Variants in TAFA4 observed in about 807,000 individuals in gnomAD.
TAFA4 encodes chemokine-like protein TAFA-4.
Under a neutral mutation model 21.1 loss-of-function variants are expected in TAFA4, and 20 were observed. That is an observed-to-expected ratio of 0.95 (90% CI 0.67 to 1.38). The LOEUF is 1.38. Among genes scored for constraint, TAFA4 ranks in the 40% most tolerant of loss-of-function variants. TAFA4 has a pLI of 0.00. For synonymous variants in TAFA4, 71 were observed against 67.4 expected (o/e 1.05, Z -0.26); for missense variants, 211 against 180.9 (o/e 1.17, Z -0.95).
intron 3 of TAFA4, among the ~76,000 whole-genome samples, chr3:68,874,269 C>G (rs1251026996): frequency 2.6e-5 from 4 of 152,100 alleles, no homozygotes; most frequent in Non-Finnish European, 5.9e-5. Flanking sequence ...CACAATCAAT[C>G]CTTTGTAATG....
At chr3:68,756,552 G>GATAT (rs1426637889) in intron 3 of TAFA4, among the ~76,000 whole-genome samples, 2 of 152,106 alleles carry the variant, frequency 1.3e-5, no homozygotes, top group Non-Finnish European at 2.9e-5. Context: ...CAATAACCTC[G>GATAT]ATATTATTCT....
chr3:68,866,651 T>TAAAAA (rs59878536), intron 3 of TAFA4, among the ~76,000 whole-genome samples: 201 of 12,404 alleles, frequency 0.016, 13 homozygotes, highest in African/African-American at 0.052. Context: ...ATAGCAGTTC[T>TAAAAA]AAAAAAAAAA....
chr3:68,816,483 ATTG>A (rs1165090314), intron 3 of TAFA4, among the ~76,000 whole-genome samples: 1 of 152,024 alleles, frequency 6.6e-6, no homozygotes, highest in African/African-American at 2.4e-5. Context: ...TATAAATGGG[ATTG>A]TTTTCTTGAT....
chr3:68,844,282 T>C (rs1158273259), intron 3 of TAFA4, among the ~76,000 whole-genome samples: 1 of 152,190 alleles, frequency 6.6e-6, no homozygotes, highest in Non-Finnish European at 1.5e-5. Flanking sequence ...CCATTTCTTC[T>C]AGATTTTCTA....
chr3:68,916,012 C>G (rs2090001103), intron 1 of TAFA4: 1 of 152,196 alleles, frequency 6.6e-6, no homozygotes, highest in Admixed American at 6.5e-5. Context: ...TTTTGACAGA[C>G]AAGTTCAAAA....
At chr3:68,873,751 A>G (rs1304401930) in intron 3 of TAFA4, among the ~76,000 whole-genome samples, 1 of 152,178 alleles carries the variant, frequency 6.6e-6, no homozygotes, top group Non-Finnish European at 1.5e-5. Context: ...AATGCTTTCT[A>G]AACAACAAAT....
chr3:68,885,491 T>C (rs1034771623), intron 1 of TAFA4, among the ~76,000 whole-genome samples, 181 bp from the exon 2 acceptor site: 1 of 152,094 alleles, frequency 6.6e-6, no homozygotes, highest in African/African-American at 2.4e-5. Flanking sequence ...GGAAAAGATA[T>C]AGAATTCTAC....
intron 1 of TAFA4, among the ~76,000 whole-genome samples, chr3:68,898,787 A>T (rs897328856): frequency 5.3e-5 from 8 of 152,234 alleles, no homozygotes; most frequent in Admixed American, 5.2e-4. Context: ...ATCTCTGTTT[A>T]ACAGGAGAGA....
intron 1 of TAFA4, among the ~76,000 whole-genome samples, chr3:68,920,907 C>T (rs2090055064): frequency 6.6e-6 from 1 of 152,166 alleles, no homozygotes; most frequent in Non-Finnish European, 1.5e-5. Context: ...GATGCTTCTG[C>T]TGTTTAGTCT....
At chr3:68,911,988 A>C (rs1427926046) in intron 1 of TAFA4, among the ~76,000 whole-genome samples, 1 of 152,178 alleles carries the variant, frequency 6.6e-6, no homozygotes, top group Non-Finnish European at 1.5e-5. Flanking sequence ...TCAATGCTTC[A>C]TCCTCTGCAT....
chr3:68,779,007 C>A (rs1001971100), intron 3 of TAFA4, among the ~76,000 whole-genome samples: 1 of 152,174 alleles, frequency 6.6e-6, no homozygotes, highest in Non-Finnish European at 1.5e-5. Context: ...ATGCTGATAG[C>A]GATAAGGACA....
intron 3 of TAFA4, among the ~76,000 whole-genome samples, chr3:68,825,536 A>T (rs1704210375): frequency 6.8e-6 from 1 of 147,202 alleles, no homozygotes; most frequent in African/African-American, 2.7e-5. Context: ...CCTTCACTAG[A>T]GTGTGTGCAG....
intron 4 of TAFA4, among the ~76,000 whole-genome samples, chr3:68,746,220 G>A (rs564335684): frequency 6.6e-6 from 1 of 152,034 alleles, no homozygotes; most frequent in African/African-American, 2.4e-5. Flanking sequence ...TGAGGTTTTG[G>A]GTCTAGGACT....
chr3:68,741,249 T>C (rs1433636309), intron 4 of TAFA4, among the ~76,000 whole-genome samples: 2 of 152,232 alleles, frequency 1.3e-5, no homozygotes, highest in Non-Finnish European at 2.9e-5. Flanking sequence ...ATTTTAACAA[T>C]ATTTTTCCAA....
intron 1 of TAFA4, among the ~76,000 whole-genome samples, chr3:68,903,498 T>C (rs991922177): frequency 2.0e-5 from 3 of 152,238 alleles, no homozygotes; most frequent in South Asian, 2.1e-4. Flanking sequence ...CTCATAATTA[T>C]ATGTAGTTAA....
chr3:68,750,323 T>G (rs1328886811), intron 4 of TAFA4, among the ~76,000 whole-genome samples: 1 of 152,152 alleles, frequency 6.6e-6, no homozygotes, highest in Non-Finnish European at 1.5e-5. Flanking sequence ...GACGAATGGC[T>G]AAATAATTAT....
chr3:68,800,522 G>A (rs959813120), intron 3 of TAFA4, among the ~76,000 whole-genome samples: 1 of 152,160 alleles, frequency 6.6e-6, no homozygotes, highest in African/African-American at 2.4e-5. Flanking sequence ...TAGAACCATG[G>A]AGTGGACGTT....
chr3:68,745,421 A>C (rs2106740127), intron 4 of TAFA4, among the ~76,000 whole-genome samples: 1 of 152,346 alleles, frequency 6.6e-6, no homozygotes, highest in South Asian at 2.1e-4. Context: ...TATTTTTAAA[A>C]TAAAATTCGT....
At chr3:68,778,049 A>G (rs1342630283) in intron 3 of TAFA4, among the ~76,000 whole-genome samples, 1 of 152,202 alleles carries the variant, frequency 6.6e-6, no homozygotes, top group Non-Finnish European at 1.5e-5. Flanking sequence ...TACCCATATC[A>G]AAAATTATCT....
Sources: allele counts gnomAD v4.1 joint callset (sites outside exome capture counted in the v4.1 genomes callset), GRCh38; gene constraint gnomAD v4.1.1; transcripts MANE v1.5; gene names NCBI Gene and HGNC (gene_info 2026-07-23, HGNC 2026-07-21).